The following CFAP299 variants were observed in gnomAD, a reference collection of about 807,000 sequenced individuals.
The protein encoded by CFAP299 is cilia and flagella associated protein 299, also known as cilia- and flagella-associated protein 299.
Under a neutral mutation model 27.0 loss-of-function variants are expected in CFAP299, and 21 were observed. The observed-to-expected ratio is 0.78, with a 90% CI of 0.55 to 1.12. CFAP299 has a LOEUF of 1.12. Ranked by LOEUF, CFAP299 falls within the 50% of genes most tolerant of loss-of-function variation. CFAP299 has a pLI of 0.00. For synonymous variants in CFAP299, 104 were observed against 98.1 expected (o/e 1.06, Z -0.36); for missense variants, 310 against 276.6 (o/e 1.12, Z -0.86).
chr4:80,463,290 A>G lies in CFAP299; in HGVS notation c.242+100406A>G, dbSNP rs75444379. On this transcript the variant is annotated intron_variant, in intron 2 of 5. Coordinates refer to ENST00000358105, the MANE Select transcript of CFAP299 (RefSeq NM_152770.3). ...ATAGCAAATGGCTATTTTAAAAAACACTACATGAGAATGAGTCAGTTAAGA... is the reference window on the plus strand; with the variant it reads ...ATAGCAAATGGCTATTTTAAAAAACGCTACATGAGAATGAGTCAGTTAAGA... Among the ~76,000 whole-genome samples the G allele has an allele frequency of 3.3e-5, 5 of 152,340 alleles. No homozygotes were observed. In the East Asian group the frequency reaches 5.8e-4, roughly 18 times the overall value.
At chr4:80,776,675 C>G (rs1726559848) in intron 3 of CFAP299, among the ~76,000 whole-genome samples, 1 of 151,926 alleles carries the variant, frequency 6.6e-6, no homozygotes, top group Admixed American at 6.6e-5. Flanking sequence ...ATAGGGGCAG[C>G]AAACCACCAT....
chr4:80,393,496 A>G (rs757611777), intron 2 of CFAP299, among the ~76,000 whole-genome samples: 3 of 152,176 alleles, frequency 2.0e-5, no homozygotes, highest in East Asian at 3.9e-4. Flanking sequence ...AGCCCCATTC[A>G]TAAGTGCCCT....
At chr4:80,868,890 T>A (rs945299698) in intron 3 of CFAP299, among the ~76,000 whole-genome samples, 1 of 144,886 alleles carries the variant, frequency 6.9e-6, no homozygotes, top group African/African-American at 2.7e-5. Context: ...ATTCCATGGG[T>A]GGGGGCTTCT....
chr4:80,722,894 G>A (rs1176783750), intron 3 of CFAP299, among the ~76,000 whole-genome samples: 6 of 148,068 alleles, frequency 4.1e-5, no homozygotes, highest in Admixed American at 2.7e-4. Context: ...GCGAGATTCC[G>A]TCTCAAAAAC....
intron 3 of CFAP299, among the ~76,000 whole-genome samples, chr4:80,860,725 T>A (rs947583124): frequency 1.3e-5 from 2 of 152,092 alleles, no homozygotes; most frequent in African/African-American, 4.8e-5. Flanking sequence ...GAACAGTGGT[T>A]TTTCATGAAC....
At chr4:80,608,355 C>T (rs1159760026) in intron 3 of CFAP299, 3 of 1,531,270 alleles carry the variant, frequency 2.0e-6, no homozygotes, top group South Asian at 2.4e-5. Flanking sequence ...GAGACTGATG[C>T]TGCTCATATC....
chr4:80,495,762 C>T (rs561004761), intron 2 of CFAP299, among the ~76,000 whole-genome samples: 31 of 152,336 alleles, frequency 2.0e-4, no homozygotes, highest in African/African-American at 7.5e-4. Context: ...GCTGGCTGTA[C>T]AGGAAGCATG....
Position 80,944,853 on chromosome 4 carries a change from C to A in CFAP299, c.520C>A (p.Pro174Thr), listed in dbSNP as rs769966886. Residue 174 changes from proline (P) to threonine (T), a missense_variant, in exon 5 of 6, where the codon CCC (proline) becomes ACC (threonine). Pro to Thr is a conservative substitution (Grantham distance 38). Coordinates refer to ENST00000358105, the MANE Select transcript of CFAP299 (RefSeq NM_152770.3). ...TGATATTGCTGTTAGTAATTCAAGT[C>A]CCAACTATCAAGTGATTGCCGATAA... is the stretch of plus-strand genomic sequence containing the variant. Reference protein sequence around the residue: ...DADIAVSNSSPNYQVIADNPE... With the variant: ...DADIAVSNSSTNYQVIADNPE... The A allele has an allele frequency of 1.4e-5, 23 of 1,610,818 alleles. No individual in the cohort carries two copies. Among genetic ancestry groups the A allele is most frequent in the Non-Finnish European group, 1.9e-5 (22 of 1,177,498 alleles).
intron 2 of CFAP299, among the ~76,000 whole-genome samples, chr4:80,516,634 C>G (rs1334136582): frequency 6.6e-6 from 1 of 152,032 alleles, no homozygotes; most frequent in Non-Finnish European, 1.5e-5. Flanking sequence ...GGAATCTGAC[C>G]CCATGATCCA....
At chr4:80,890,290 C>G (rs886982859) in intron 4 of CFAP299, among the ~76,000 whole-genome samples, 1 of 151,912 alleles carries the variant, frequency 6.6e-6, no homozygotes, top group African/African-American at 2.4e-5. Flanking sequence ...TTGCGTGATA[C>G]AAAATCAACA....
chr4:80,855,660 A>G (rs1175532665), intron 3 of CFAP299, among the ~76,000 whole-genome samples: 2 of 151,978 alleles, frequency 1.3e-5, no homozygotes, highest in East Asian at 1.9e-4. Context: ...TGCGGTGTTT[A>G]GTTTTTTGTT....
chr4:80,671,726 G>T (rs568592438), intron 3 of CFAP299, among the ~76,000 whole-genome samples: 1 of 152,202 alleles, frequency 6.6e-6, no homozygotes, highest in Admixed American at 6.5e-5. Context: ...TTGTAAGTTG[G>T]ATTCCTAGGT....
intron 3 of CFAP299, among the ~76,000 whole-genome samples, chr4:80,672,366 G>A (rs2109994768): frequency 6.6e-6 from 1 of 152,302 alleles, no homozygotes; most frequent in Admixed American, 6.5e-5. Context: ...ACTTGATCGT[G>A]GTGGATAAGG....
chr4:80,632,733 T>C (rs1236012775), intron 3 of CFAP299, among the ~76,000 whole-genome samples: 2 of 151,764 alleles, frequency 1.3e-5, no homozygotes, highest in Non-Finnish European at 2.9e-5. Flanking sequence ...TTTGCATGCA[T>C]TCAACACTTA....
intron 2 of CFAP299, among the ~76,000 whole-genome samples, chr4:80,514,026 A>G (rs1732452199): frequency 6.6e-6 from 1 of 152,096 alleles, no homozygotes; most frequent in South Asian, 2.1e-4. Context: ...AACTTCTACT[A>G]TAGAATTTAC....
chr4:80,482,400 C>T (rs1228463101), intron 2 of CFAP299, among the ~76,000 whole-genome samples: 1 of 152,016 alleles, frequency 6.6e-6, no homozygotes, highest in Non-Finnish European at 1.5e-5. Context: ...TTATAATTCT[C>T]CTAAGAAAGC....
At chr4:80,481,414 C>T (rs998520592) in intron 2 of CFAP299, among the ~76,000 whole-genome samples, 1 of 152,032 alleles carries the variant, frequency 6.6e-6, no homozygotes, top group Non-Finnish European at 1.5e-5. Context: ...AATTGAAACT[C>T]ATTGCCAGAT....
chr4:80,441,100 C>G (rs1307978406), intron 2 of CFAP299, among the ~76,000 whole-genome samples: 1 of 152,146 alleles, frequency 6.6e-6, no homozygotes, highest in Non-Finnish European at 1.5e-5. Context: ...CTGAAAGTGA[C>G]AGGGAGAATG....
rs79730688 is a variant in CFAP299 at position 80,930,706 on chromosome 4, C to G, written c.477-14104C>G. On this transcript the variant is annotated intron_variant, in intron 4 of 5. Coordinates refer to ENST00000358105, the MANE Select transcript of CFAP299 (RefSeq NM_152770.3). ...GTGTTTTCTCACTCAGACACACCTG[C>G]TTACACTTTCTGTTCCACTGATATT... is the stretch of plus-strand genomic sequence containing the variant. 3.1e-3 allele frequency among the ~76,000 whole-genome samples: 479 copies of G among 152,290 alleles called. 3 individuals carry two copies. Among genetic ancestry groups the G allele is most frequent in the African/African-American group, 0.011 (447 of 41,570 alleles).
Sources: gnomAD v4.1 joint callset for allele counts (sites outside exome capture counted in the v4.1 genomes callset) on GRCh38, gnomAD v4.1.1 for gene constraint, MANE v1.5 for transcripts, NCBI Gene and HGNC (gene_info 2026-07-23, HGNC 2026-07-21) for gene names.